RAB31: variants seen among roughly 807,000 people sequenced by gnomAD.
RAB31 encodes ras-related protein Rab-31.
Under a neutral mutation model 25.6 loss-of-function variants are expected in RAB31, and 21 were observed. That is an observed-to-expected ratio of 0.82 (90% CI 0.58 to 1.18). The LOEUF (loss-of-function observed/expected upper bound fraction) is 1.18. Ranked by LOEUF, RAB31 falls within the 50% of genes most tolerant of loss-of-function variation. The probability of loss-of-function intolerance (pLI) is 0.00; values close to 1 mark genes in which losing one functional copy is unlikely to be tolerated. For synonymous variants in RAB31, 87 were observed against 84.0 expected, an observed-to-expected ratio of 1.04 and a Z score of -0.20; for missense variants, 196 against 250.1, an observed-to-expected ratio of 0.78 and a Z score of 1.46.
chr18:9,799,945 A>G (rs2068505435), intron 3 of RAB31, among the ~76,000 whole-genome samples: 1 of 152,100 alleles, frequency 6.6e-6, no homozygotes, highest in Non-Finnish European at 1.5e-5. Flanking sequence ...GCCTTTGGGA[A>G]GTTTTTATCC....
intron 5 of RAB31, among the ~76,000 whole-genome samples, chr18:9,839,806 G>A (rs1213887299): frequency 2.0e-5 from 3 of 152,156 alleles, no homozygotes; most frequent in Non-Finnish European, 1.5e-5. Context: ...CTGCAGGACA[G>A]TGTCCACCGT....
At chr18:9,819,590 A>G (rs1350657454) in intron 5 of RAB31, among the ~76,000 whole-genome samples, 2 of 152,108 alleles carry the variant, frequency 1.3e-5, no homozygotes, top group African/African-American at 4.8e-5. Flanking sequence ...CTATTTCTTA[A>G]TTTCTGAAAA....
chr18:9,821,363 G>A (rs2068623794), intron 5 of RAB31, among the ~76,000 whole-genome samples: 1 of 152,018 alleles, frequency 6.6e-6, no homozygotes, highest in African/African-American at 2.4e-5. Flanking sequence ...CTAAGGTTGA[G>A]GGCCCTCTGC....
intron 1 of RAB31, among the ~76,000 whole-genome samples, chr18:9,721,967 G>A (rs2068075693): frequency 6.6e-6 from 1 of 152,160 alleles, no homozygotes; most frequent in Admixed American, 6.5e-5. Flanking sequence ...CAGTACTCAG[G>A]GCAGCCATGT....
intron 6 of RAB31, among the ~76,000 whole-genome samples, chr18:9,846,660 G>A (rs917589709): frequency 6.6e-6 from 1 of 152,170 alleles, no homozygotes; most frequent in Non-Finnish European, 1.5e-5. Flanking sequence ...GCCTGAGATC[G>A]TTTTTGGCAG....
At chr18:9,800,483 T>A (rs1467374816) in intron 3 of RAB31, among the ~76,000 whole-genome samples, 1 of 152,228 alleles carries the variant, frequency 6.6e-6, no homozygotes, top group African/African-American at 2.4e-5. Context: ...CTCCCCATGT[T>A]GGAAAATGGT....
chr18:9,743,617 C>T (rs1208167440), intron 1 of RAB31, among the ~76,000 whole-genome samples: 1 of 152,140 alleles, frequency 6.6e-6, no homozygotes, highest in Non-Finnish European at 1.5e-5. Context: ...GCTTCCTGCC[C>T]CAGGGCTTCA....
chr18:9,859,323 TG>T lies in RAB31; in HGVS notation c.587del (p.Ter196TyrfsTer10). 2 of 1,610,302 alleles carry T rather than the reference TG, an allele frequency of 1.2e-6. No homozygotes were observed. The highest frequency in any genetic ancestry group is 1.7e-6 in the Non-Finnish European group (2 of 1,176,554). On this transcript the variant is annotated frameshift_variant and stop_lost, in exon 7 of 7. Transcript: ENST00000578921. LOFTEE classifies it high-confidence loss of function. ...PTMQASRRCC[*>X] Reference sequence around the variant, plus strand: ...CATGCAAGCCAGCCGCCGGTGCTGTTGACCCAAGGGCCGTGGTCCACGGTAC... The same window carrying T: ...CATGCAAGCCAGCCGCCGGTGCTGTTACCCAAGGGCCGTGGTCCACGGTAC...
In RAB31 at chr18:9,815,205, C is replaced by T. The variant is rs754242109; in HGVS notation, c.363C>T (p.Cys121=). ...TAATGGCCATCGCTGGAAACAAGTG[C>T]GACCTCTCAGATATTAGGTAAGATG... ...NIVMAIAGNK[C]DLSDIREVPL... Residue 121 remains cysteine (C), a synonymous_variant, in exon 5 of 7, where the codon TGC becomes TGT. Transcript: ENST00000578921. 2.6e-6 allele frequency: 4 copies of T among 1,550,056 alleles called. No homozygotes were observed. The highest frequency in any genetic ancestry group is 2.7e-5 in the African/African-American group (2 of 73,142).
chr18:9,743,771 G>A (rs2068191786), intron 1 of RAB31, among the ~76,000 whole-genome samples: 1 of 152,234 alleles, frequency 6.6e-6, no homozygotes, highest in South Asian at 2.1e-4. Flanking sequence ...TTGCAGCCAA[G>A]TCTGTTTATT....
At chr18:9,709,685 G>GC (rs1028101281) in intron 1 of RAB31, among the ~76,000 whole-genome samples, 1 of 152,160 alleles carries the variant, frequency 6.6e-6, no homozygotes, top group Non-Finnish European at 1.5e-5. Flanking sequence ...ATCTGGGAAG[G>GC]CCCTGCCCTC....
At chr18:9,856,879 T>C (rs749104448) in intron 6 of RAB31, among the ~76,000 whole-genome samples, 9 of 152,210 alleles carry the variant, frequency 5.9e-5, no homozygotes, top group African/African-American at 2.2e-4. Flanking sequence ...AAGATCTGAC[T>C]TGGCTAGATC....
intron 5 of RAB31, among the ~76,000 whole-genome samples, chr18:9,831,275 A>G (rs1330106043): frequency 2.6e-5 from 4 of 152,170 alleles, no homozygotes; most frequent in Admixed American, 6.5e-5. Context: ...TCGTTGCTCA[A>G]ACGGTTCCAA....
chr18:9,799,257 G>A (rs16955629), intron 3 of RAB31, among the ~76,000 whole-genome samples: 36,011 of 152,054 alleles, frequency 0.24, 4,345 homozygotes, highest in South Asian at 0.35. Flanking sequence ...AGAAAGCTCC[G>A]CTCAGTGCTT....
chr18:9,711,745 C>T (rs1408800103), intron 1 of RAB31, among the ~76,000 whole-genome samples: 1 of 152,208 alleles, frequency 6.6e-6, no homozygotes, highest in Non-Finnish European at 1.5e-5. Context: ...AAGACCCTGA[C>T]AGCCACACCT....
chr18:9,791,755 C>G (rs1483560117), intron 2 of RAB31, among the ~76,000 whole-genome samples: 1 of 152,088 alleles, frequency 6.6e-6, no homozygotes, highest in Non-Finnish European at 1.5e-5. Context: ...CACCACGCCG[C>G]CACCAGGCCT....
intron 2 of RAB31, among the ~76,000 whole-genome samples, chr18:9,784,271 C>T (rs2068420705): frequency 2.0e-5 from 3 of 151,938 alleles, no homozygotes; most frequent in Admixed American, 2.0e-4. Context: ...AACTCCTGGC[C>T]TCAAGTGATC....
intron 1 of RAB31, among the ~76,000 whole-genome samples, chr18:9,743,619 A>G (rs1457794494): frequency 6.6e-6 from 1 of 152,166 alleles, no homozygotes; most frequent in African/African-American, 2.4e-5. Flanking sequence ...TTCCTGCCCC[A>G]GGGCTTCAGG....
chr18:9,836,955 T>C (rs2068708584), intron 5 of RAB31, among the ~76,000 whole-genome samples: 1 of 120,048 alleles, frequency 8.3e-6, no homozygotes, highest in African/African-American at 3.2e-5. Context: ...TGGGGTGAAA[T>C]AGATGGGAAG....
Sources: gnomAD v4.1 joint callset for allele counts (sites outside exome capture counted in the v4.1 genomes callset) on GRCh38, gnomAD v4.1.1 for gene constraint, MANE v1.5 for transcripts, NCBI Gene and HGNC (gene_info 2026-07-23, HGNC 2026-07-21) for gene names.